CCL19: variants seen among roughly 807,000 people sequenced by gnomAD.
CCL19 encodes C-C motif chemokine ligand 19.
CCL19 carries 5 observed loss-of-function variants against 9.7 expected under a neutral mutation model. The ratio of observed to expected loss-of-function variants is 0.51; its 90% CI spans 0.27 to 1.08. CCL19 has a LOEUF of 1.08. CCL19 is among the 50% of genes least tolerant of loss of function. CCL19 has a pLI of 0.12. For missense variants in CCL19, 90 were observed against 122.5 expected, an observed-to-expected ratio of 0.73 and a Z score of 1.25; for synonymous variants, 40 against 47.4, an observed-to-expected ratio of 0.84 and a Z score of 0.64.
chr9:34,690,424 CTGTGTGTGTG>C (rs74180568), intron 1 of CCL19, 82 bp from the exon 2 acceptor site: 7,483 of 607,140 alleles, frequency 0.012, 1 homozygote, highest in Middle Eastern at 0.018. Flanking sequence ...TTGAGGACAC[CTGTGTGTGTG>C]TGTGTGTGTG....
At chr9:34,690,891 T>C (rs1821784827) in intron 1 of CCL19, among the ~76,000 whole-genome samples, 200 bp downstream of exon 1, 2 of 152,072 alleles carry the variant, frequency 1.3e-5, no homozygotes, top group African/African-American at 4.8e-5. Context: ...CACACCCGCA[T>C]TGGGATTCAG....
chr9:34,690,390 G>T (rs1429551170), intron 1 of CCL19, 48 bp from the exon 2 acceptor site: 2 of 1,593,488 alleles, frequency 1.3e-6, no homozygotes, highest in Non-Finnish European at 1.7e-6. Context: ...CTTGAGGGTG[G>T]CATGGCCATG....
rs770358823 is a variant in CCL19, at chr9:34,691,128, T to G, written c.12A>C (p.Leu4=). 1 of 1,613,366 alleles carries G rather than the reference T, an allele frequency of 6.2e-7. No homozygotes were observed. The highest frequency in any genetic ancestry group is 1.1e-5 in the South Asian group (1 of 90,848). Residue 4 remains leucine, a synonymous_variant, in exon 1 of 4, where the codon CTA becomes CTC. Coordinates refer to ENST00000311925, the MANE Select transcript of CCL19 (RefSeq NM_006274.3). The stretch of plus-strand genomic sequence containing the variant: ...AGAGAACCAGCAGGCTGAGGGCCAG[T>G]AGCAGGGCCATGGAGGGTGAACAGA... MAL[L]LALSLLVLWT...
Position 34,689,741 on chromosome 9 carries a change from TG to T in CCL19, c.*77del. 1 of 1,556,950 alleles carries T rather than the reference TG, an allele frequency of 6.4e-7. No individual in the cohort carries two copies. The highest frequency in any genetic ancestry group is 8.8e-7 in the Non-Finnish European group (1 of 1,132,106). On this transcript the variant is annotated 3_prime_UTR_variant, in exon 4 of 4. Transcript: ENST00000311925. The surrounding 1 kb of genome is among the most constrained non-coding windows in gnomAD (Gnocchi z 4.1). ...GAGCTGGAAGCCTGGTCCTTCCTTC[TG>T]GTCCTCGGTTCCCCAGGTTAGGTAA...
At chr9:34,690,704 G>A (rs1821783589) in intron 1 of CCL19, among the ~76,000 whole-genome samples, 1 of 152,176 alleles carries the variant, frequency 6.6e-6, no homozygotes, top group South Asian at 2.1e-4. Flanking sequence ...CGTGGGGTAG[G>A]GTAGGCTGGT....
chr9:34,690,462 G>GTGTGTGTGTT, intron 1 of CCL19, 120 bp from the exon 2 acceptor site: 1 of 900,468 alleles, frequency 1.1e-6, no homozygotes, highest in South Asian at 1.6e-5. Context: ...GTGTGTGTGT[G>GTGTGTGTGTT]TGTGTGTCTG....
At position 34,691,268 on chromosome 9, in the gene CCL19, G is replaced by C. The variant is rs558366119; in HGVS notation, c.-129C>G. 1.3e-5 allele frequency: 9 copies of C among 690,576 alleles called. No individual in the cohort carries two copies. In the African/African-American group the frequency reaches 1.6e-4, roughly 12 times the overall value. The allele number at this position is 690,576 out of a possible 1,614,324, so 42.8% of individuals were successfully genotyped here. ...AAATGCAAGGTGTGAGTGATGTGAG[G>C]CTGGGAATGTGAGCCCTGCAGCTGA... On this transcript the variant is annotated 5_prime_UTR_variant, in exon 1 of 4. Transcript: ENST00000311925.
In CCL19 at chr9:34,689,924, G is replaced by T; in HGVS notation, c.276+6C>A. ...AGGAGACAGGGCCAGGGAGGGCCAG[G>T]CTTGCCTTGGCTGAGGTCCTCTGCA... On this transcript the variant is annotated splice_donor_region_variant and intron_variant, in intron 3 of 3. Coordinates refer to ENST00000311925, the MANE Select transcript of CCL19 (RefSeq NM_006274.3). This position sits in a 1 kb window ranked among gnomAD's most constrained non-coding sequence, Gnocchi z 4.1. 1 of 1,614,118 alleles carries T rather than the reference G, an allele frequency of 6.2e-7. No homozygotes were observed. The highest frequency in any genetic ancestry group is 8.5e-7 in the Non-Finnish European group (1 of 1,179,992).
rs1375335974 is a variant in CCL19 at position 34,689,667 on chromosome 9, C to T, written c.*152G>A. ...ACTCACCCTCTCGCTCACACTCACACTCACACACACCCCAGGCCCTGTCCT... is the reference window on the plus strand; with the variant it reads ...ACTCACCCTCTCGCTCACACTCACATTCACACACACCCCAGGCCCTGTCCT... On this transcript the variant is annotated 3_prime_UTR_variant, in exon 4 of 4. Transcript: ENST00000311925. This position sits in a 1 kb window ranked among gnomAD's most constrained non-coding sequence, Gnocchi z 4.1. The T allele has an allele frequency of 1.2e-5, 10 of 836,090 alleles. No homozygotes were observed. The East Asian group carries it at 1.9e-4, about 16-fold the overall frequency. 51.8% of individuals were successfully genotyped at this position (836,090 alleles called of 1,614,324 possible). A position where few individuals can be genotyped will look rare whatever the true frequency, so the allele number is the denominator to read the frequency against.
chr9:34,691,003 A>C, intron 1 of CCL19, 88 bp downstream of exon 1: 3 of 1,184,428 alleles, frequency 2.5e-6, no homozygotes, highest in Non-Finnish European at 2.4e-6. Flanking sequence ...CATGTCCCTT[A>C]CGTCCAGTGC....
intron 1 of CCL19, 64 bp from the exon 2 acceptor site, chr9:34,690,406 A>G (rs1821780143): frequency 6.7e-7 from 1 of 1,489,090 alleles, no homozygotes; most frequent in East Asian, 2.4e-5. Context: ...CCATGGCCCT[A>G]GCTCGGATTG....
At position 34,690,348 on chromosome 9, in the gene CCL19, A is replaced by G. The variant is rs1343927472; in HGVS notation, c.50-6T>C. 1.9e-6 allele frequency: 3 copies of G among 1,610,810 alleles called. No homozygotes were observed. The highest frequency in any genetic ancestry group is 2.5e-6 in the Non-Finnish European group (3 of 1,178,522). ...GGTGCCACTCAGAGTTGGGGCTGGG[A>G]TGGGGAAAGAAGGTGACAGGACACA... On this transcript the variant is annotated splice_region_variant and splice_polypyrimidine_tract_variant and intron_variant, in intron 1 of 3. Coordinates refer to ENST00000311925, the MANE Select transcript of CCL19 (RefSeq NM_006274.3).
At chr9:34,690,175 G>A (rs775051352) in intron 2 of CCL19, 35 bp downstream of exon 2, 19 of 1,612,172 alleles carry the variant, frequency 1.2e-5, no homozygotes, top group African/African-American at 2.7e-5. Context: ...GGGCTAAAAC[G>A]GGAGATGAGG....
rs74180568 is a variant in CCL19 at position 34,690,424 on chromosome 9, C to CTGTGTGTGTG, written c.50-92_50-83dup. On this transcript the variant is annotated intron_variant, in intron 1 of 3. Transcript: ENST00000311925. Reference sequence around the variant, plus strand: ...TGGCCCTAGCTCGGATTGAGGACACCTGTGTGTGTGTGTGTGTGTGTGTGT... The same window carrying CTGTGTGTGTG: ...TGGCCCTAGCTCGGATTGAGGACACCTGTGTGTGTGTGTGTGTGTGTGTGTGTGTGTGTGT... 9.9e-3 allele frequency: 5,987 copies of CTGTGTGTGTG among 607,134 alleles called. 48 individuals are homozygous for CTGTGTGTGTG. Among genetic ancestry groups the CTGTGTGTGTG allele is most frequent in the South Asian group, 0.014 (642 of 46,224 alleles). 37.6% of individuals were successfully genotyped at this position (607,134 alleles called of 1,614,324 possible).
intron 1 of CCL19, 142 bp from the exon 2 acceptor site, chr9:34,690,484 G>A: frequency 1.3e-6 from 1 of 767,402 alleles, no homozygotes; most frequent in Non-Finnish European, 2.1e-6. Flanking sequence ...TGGGGTCGGG[G>A]AGGAGTTAGA....
intron 2 of CCL19, 43 bp downstream of exon 2, chr9:34,690,167 G>A: frequency 6.2e-7 from 1 of 1,611,408 alleles, no homozygotes; most frequent in Non-Finnish European, 8.5e-7. Flanking sequence ...CTCAACAGGG[G>A]CTAAAACGGG....
At chr9:34,690,177 G>A in intron 2 of CCL19, 33 bp downstream of exon 2, 1 of 1,612,710 alleles carries the variant, frequency 6.2e-7, no homozygotes. Context: ...GCTAAAACGG[G>A]AGATGAGGCT....
rs1821774454 is a variant in CCL19, at chr9:34,689,912, A to T, written c.276+18T>A. The T allele has an allele frequency of 6.2e-7, 1 of 1,613,916 alleles. No homozygotes were observed. Among genetic ancestry groups the T allele is most frequent in the Admixed American group, 1.7e-5 (1 of 60,020 alleles). ...GAGCTCAGAGGGAGGAGACAGGGCC[A>T]GGGAGGGCCAGGCTTGCCTTGGCTG... On this transcript the variant is annotated intron_variant, in intron 3 of 3. Transcript: ENST00000311925. The surrounding 1 kb of genome is among the most constrained non-coding windows in gnomAD (Gnocchi z 4.1).
At position 34,689,886 on chromosome 9, in the gene CCL19, G is replaced by C; in HGVS notation, c.276+44C>G. The C allele has an allele frequency of 6.2e-7, 1 of 1,614,140 alleles. No homozygotes were observed. Among genetic ancestry groups the C allele is most frequent in the South Asian group, 1.1e-5 (1 of 91,088 alleles). On this transcript the variant is annotated intron_variant, in intron 3 of 3. Coordinates refer to ENST00000311925, the MANE Select transcript of CCL19 (RefSeq NM_006274.3). This position sits in a 1 kb window ranked among gnomAD's most constrained non-coding sequence, Gnocchi z 4.1. ...GGATCATGGGCTGGAATCTTAGACA[G>C]GAGCTCAGAGGGAGGAGACAGGGCC...
Sources: gnomAD v4.1 joint callset for allele counts (sites outside exome capture counted in the v4.1 genomes callset) on GRCh38, gnomAD v4.1.1 for gene constraint, Gnocchi (gnomAD v3.1) non-coding constraint, MANE v1.5 for transcripts, NCBI Gene and HGNC (gene_info 2026-07-23, HGNC 2026-07-21) for gene names.